The following CDH22 variants were observed in gnomAD, a reference collection of about 807,000 sequenced individuals.
The protein encoded by CDH22 is cadherin-22.
CDH22 carries 30 observed loss-of-function variants against 58.4 expected under a neutral mutation model. That is an observed-to-expected ratio of 0.51 (90% confidence interval 0.38 to 0.70). CDH22 has a LOEUF of 0.70. CDH22 is among the 30% of genes least tolerant of loss of function. CDH22 has a pLI of 0.00. For missense variants in CDH22, 1,014 were observed against 1,233.9 expected (o/e 0.82, Z 2.67); for synonymous variants, 513 against 558.2 (o/e 0.92, Z 1.14).
Position 46,298,980 on chromosome 20 carries a change from C to T in CDH22, c.-400+9275G>A, listed in dbSNP as rs150461519. Among the ~76,000 whole-genome samples, 495 of 152,270 alleles carry T rather than the reference C, an allele frequency of 3.3e-3. 5 individuals are homozygous for T. Among genetic ancestry groups the T allele is most frequent in the Admixed American group, 0.018 (283 of 15,302 alleles). On this transcript the variant is annotated intron_variant, in intron 1 of 11. Transcript: ENST00000537909. ...TTATCTCCTGGACAATTTCAGCTGT[C>T]CCCGTCTGTTGCCTCCTTTCTCTTT...
At chr20:46,230,868 C>A (rs189154915) in intron 3 of CDH22, among the ~76,000 whole-genome samples, 1 of 152,298 alleles carries the variant, frequency 6.6e-6, no homozygotes, top group Admixed American at 6.5e-5. Flanking sequence ...AGTACCTTGA[C>A]AAGCTCACCT....
intron 10 of CDH22, among the ~76,000 whole-genome samples, chr20:46,184,339 T>C (rs570864942): frequency 6.6e-6 from 1 of 152,248 alleles, no homozygotes; most frequent in Admixed American, 6.5e-5. Context: ...CCTCAACTAA[T>C]CCGCCCACTT....
intron 3 of CDH22, 21 bp from the exon 4 acceptor site, chr20:46,227,648 G>A (rs1432568739): frequency 2.5e-6 from 4 of 1,601,180 alleles, no homozygotes; most frequent in African/African-American, 2.7e-5. Context: ...GGGACCAAGC[G>A]AGACAGGGGT....
chr20:46,192,860 G>C (rs1158188184), intron 8 of CDH22, among the ~76,000 whole-genome samples: 1 of 152,056 alleles, frequency 6.6e-6, no homozygotes, highest in African/African-American at 2.4e-5. Context: ...CTCCAGGGAA[G>C]GGGGTGTCAG....
At chr20:46,202,437 TC>T (rs942117086) in intron 7 of CDH22, among the ~76,000 whole-genome samples, 8 of 151,072 alleles carry the variant, frequency 5.3e-5, no homozygotes, top group African/African-American at 2.0e-4. Flanking sequence ...CACTGCAAGC[TC>T]CGCCTCCTGG....
At position 46,226,264 on chromosome 20, in the gene CDH22, TCTTCTTCTTCTTCTTCTTCTTC is replaced by T. The variant is rs1568665267; in HGVS notation, c.670+1222_670+1243del. On this transcript the variant is annotated intron_variant, in intron 4 of 11. Coordinates refer to ENST00000537909, the MANE Select transcript of CDH22 (RefSeq NM_021248.3). ...TTCTTCTTCTTCTTCTTCTTCTTCTTCTTCTTCTTCTTCTTCTTCTTCTTCTTCTTTTTTTTTTTGAGACAGG... is the reference window on the plus strand; with the variant it reads ...TTCTTCTTCTTCTTCTTCTTCTTCTTTTCTTCTTTTTTTTTTTGAGACAGG... Among the ~76,000 whole-genome samples, 93 of 126,384 alleles carry T rather than the reference TCTTCTTCTTCTTCTTCTTCTTC, an allele frequency of 7.4e-4. 13 individuals carry two copies. The highest frequency in any genetic ancestry group is 1.4e-3 in the African/African-American group (42 of 30,588). 82.9% of individuals were successfully genotyped at this position (126,384 alleles called of 152,430 possible). A position where few individuals can be genotyped will look rare whatever the true frequency, so the allele number is the denominator to read the frequency against.
chr20:46,227,464 G>GCCCCCCCC, intron 4 of CDH22, 44 bp downstream of exon 4: 4 of 1,351,116 alleles, frequency 3.0e-6, no homozygotes, highest in Non-Finnish European at 4.1e-6. Flanking sequence ...CCCGCCCCTG[G>GCCCCCCCC]CCCCGCCCCA....
chr20:46,181,902 C>T (rs1249535381), intron 10 of CDH22, among the ~76,000 whole-genome samples: 3 of 151,330 alleles, frequency 2.0e-5, no homozygotes, highest in Admixed American at 6.6e-5. Context: ...CTACAACCTC[C>T]GTCTCCTGGG....
At chr20:46,229,034 C>A (rs149414135) in intron 3 of CDH22, among the ~76,000 whole-genome samples, 1 of 152,190 alleles carries the variant, frequency 6.6e-6, no homozygotes, top group Non-Finnish European at 1.5e-5. Flanking sequence ...CCCTGCAATG[C>A]GCCTCTCTCT....
intron 1 of CDH22, among the ~76,000 whole-genome samples, chr20:46,281,559 A>G (rs1008980380): frequency 3.3e-5 from 5 of 152,226 alleles, no homozygotes; most frequent in African/African-American, 1.2e-4. Flanking sequence ...ACGGGTCTCA[A>G]GGAAATTCCC....
At position 46,255,044 on chromosome 20, in the gene CDH22, C is replaced by T. The variant is rs140818846; in HGVS notation, c.-399-3351G>A. Among the ~76,000 whole-genome samples, 501 of 152,122 alleles carry T rather than the reference C, an allele frequency of 3.3e-3. 2 individuals are homozygous for T. Among genetic ancestry groups the T allele is most frequent in the African/African-American group, 0.011 (476 of 41,484 alleles). ...AAATTTTATTTATTTATTTTTGAGA[C>T]GGAATTTCTTTCTGTCACCCAGGCT... On this transcript the variant is annotated intron_variant, in intron 1 of 11. Transcript: ENST00000537909.
At chr20:46,205,902 C>T (rs1362497964) in intron 7 of CDH22, among the ~76,000 whole-genome samples, 3 of 152,180 alleles carry the variant, frequency 2.0e-5, no homozygotes, top group Non-Finnish European at 4.4e-5. Context: ...CCCATCACTC[C>T]AACCTGGGGC....
chr20:46,294,526 T>C (rs1054544036), intron 1 of CDH22, among the ~76,000 whole-genome samples: 1 of 152,202 alleles, frequency 6.6e-6, no homozygotes, highest in African/African-American at 2.4e-5. Flanking sequence ...GTTATTTCAA[T>C]TACACGGATT....
intron 1 of CDH22, among the ~76,000 whole-genome samples, chr20:46,272,153 C>T (rs1200400634): frequency 6.6e-6 from 1 of 152,228 alleles, no homozygotes; most frequent in East Asian, 1.9e-4. Flanking sequence ...TCTAAATTGA[C>T]CACTTCACAT....
At chr20:46,217,059 G>T in intron 4 of CDH22, 66 bp from the exon 5 acceptor site, 1 of 1,488,528 alleles carries the variant, frequency 6.7e-7, no homozygotes, top group Non-Finnish European at 9.1e-7. Flanking sequence ...GGAGACCCCT[G>T]TACAGGCGGG....
At chr20:46,249,048 G>A (rs549205434) in intron 2 of CDH22, among the ~76,000 whole-genome samples, 16 of 152,334 alleles carry the variant, frequency 1.1e-4, no homozygotes, top group Non-Finnish European at 1.0e-4. Flanking sequence ...AACACTTTAT[G>A]TGCTCTGTTT....
chr20:46,194,899 T>G (rs2085888362), intron 8 of CDH22, among the ~76,000 whole-genome samples: 1 of 152,138 alleles, frequency 6.6e-6, no homozygotes, highest in African/African-American at 2.4e-5. Context: ...CCGGCTAATT[T>G]TCGTACTTTT....
chr20:46,304,690 T>C (rs2086666670), intron 1 of CDH22, among the ~76,000 whole-genome samples: 1 of 152,228 alleles, frequency 6.6e-6, no homozygotes, highest in Non-Finnish European at 1.5e-5. Flanking sequence ...TCCAGGTTGC[T>C]GTACCTCATG....
At chr20:46,258,757 TG>T (rs1371895224) in intron 1 of CDH22, among the ~76,000 whole-genome samples, 12 of 152,234 alleles carry the variant, frequency 7.9e-5, no homozygotes, top group Admixed American at 7.2e-4. Flanking sequence ...TGCTGTGCTC[TG>T]GGTCCTGTTG....
Sources: allele counts gnomAD v4.1 joint callset (sites outside exome capture counted in the v4.1 genomes callset), GRCh38; gene constraint gnomAD v4.1.1; transcripts MANE v1.5; gene names NCBI Gene and HGNC (gene_info 2026-07-23, HGNC 2026-07-21).